Variants in ELP1 observed in about 807,000 individuals in gnomAD.
ELP1 encodes elongator acetyltransferase complex subunit 1, also known as elongator complex protein 1.
ELP1 carries 131 observed loss-of-function variants against 183.2 expected under a neutral mutation model. The observed-to-expected ratio is 0.72, with a 90% confidence interval of 0.62 to 0.83. The LOEUF (loss-of-function observed/expected upper bound fraction) is 0.83, where lower values mean the gene tolerates loss of function less well. ELP1 is among the 40% of genes least tolerant of loss of function. ELP1 has a pLI of 0.00. For synonymous variants in ELP1, 555 were observed against 569.0 expected, an observed-to-expected ratio of 0.98 and a Z score of 0.35; for missense variants, 1,550 against 1,594.9, an observed-to-expected ratio of 0.97 and a Z score of 0.48.
At chr9:108,876,998 T>C (rs1827728861) in intron 35 of ELP1, among the ~76,000 whole-genome samples, 2 of 152,174 alleles carry the variant, frequency 1.3e-5, no homozygotes, top group African/African-American at 4.8e-5. Context: ...CCCAAAGTGC[T>C]GGGATTACAG....
chr9:108,915,965 C>T (rs149873395), intron 10 of ELP1, among the ~76,000 whole-genome samples: 5 of 152,020 alleles, frequency 3.3e-5, no homozygotes, highest in South Asian at 4.2e-4. Context: ...ACTAATCCCC[C>T]GAGAATACTG....
intron 36 of ELP1, 76 bp downstream of exon 36, chr9:108,874,819 G>T: frequency 1.0e-6 from 1 of 1,005,012 alleles, no homozygotes; most frequent in Non-Finnish European, 1.6e-6. Context: ...TCCTTATACT[G>T]CTGATCTTCT....
intron 35 of ELP1, chr9:108,875,619 G>C (rs1046004128): frequency 2.2e-5 from 7 of 320,544 alleles, no homozygotes; most frequent in African/African-American, 1.5e-4. Context: ...AATGTGGGAG[G>C]CATGGTGGCT....
rs200640674 is a variant in ELP1, at chr9:108,929,802, T to A, written c.270A>T (p.Gly90=). The stretch of plus-strand genomic sequence containing the variant: ...TGCTGAGACTGCAGAGTATGACGTC[T>A]CCAGAGGCTGTGGCCACACACACAG... ...QESVCVATAS[G]DVILCSLSTQ... is the part of the protein sequence containing the mutation. The change falls in exon 3 of 37, where the codon GGA becomes GGT. Residue 90 remains glycine (G), a synonymous_variant. Transcript: ENST00000374647. 30 of 1,613,850 alleles carry A rather than the reference T, an allele frequency of 1.9e-5. No individual in the cohort carries two copies. The highest frequency in any genetic ancestry group is 2.5e-5 in the Non-Finnish European group (29 of 1,180,040).
rs1226691975 is a variant in ELP1, at chr9:108,896,964, T to C, written c.2576A>G (p.His859Arg). 19 of 1,613,898 alleles carry C rather than the reference T, an allele frequency of 1.2e-5. No individual in the cohort carries two copies. Among genetic ancestry groups the C allele is most frequent in the Non-Finnish European group, 1.6e-5 (19 of 1,179,886 alleles). The change falls in exon 24 of 37, where the codon CAC becomes CGC. Residue 859 changes from histidine (H) to arginine (R), a missense_variant. By Grantham distance (29) the His-to-Arg change is conservative (BLOSUM62 0). Transcript: ENST00000374647. ...PELEIVLQKV[H>R]ELQGNAPSDP... The stretch of plus-strand genomic sequence containing the variant: ...GAGCGGATCTCTACCTTGAAGCTCG[T>C]GTACTTTTTGCAGTACAATTTCCAG...
chr9:108,903,418 C>A, intron 15 of ELP1, 145 bp downstream of exon 15: 1 of 668,090 alleles, frequency 1.5e-6, no homozygotes, highest in East Asian at 2.7e-5. Flanking sequence ...ATACACTTGC[C>A]AATTCCACTC....
chr9:108,880,459 A>T (rs1827883706), intron 31 of ELP1, among the ~76,000 whole-genome samples: 1 of 151,980 alleles, frequency 6.6e-6, no homozygotes, highest in Non-Finnish European at 1.5e-5. Flanking sequence ...ACAAACAAAC[A>T]AAACAAACAA....
chr9:108,924,752 CAT>C (rs1829773100), intron 5 of ELP1, among the ~76,000 whole-genome samples: 1 of 144,234 alleles, frequency 6.9e-6, no homozygotes, highest in South Asian at 2.1e-4. Context: ...ATGGCAATCA[CAT>C]ATGGTCCTTC....
chr9:108,901,854 C>T (rs1173049227), intron 16 of ELP1, among the ~76,000 whole-genome samples, 173 bp from the exon 17 acceptor site: 1 of 152,098 alleles, frequency 6.6e-6, no homozygotes, highest in African/African-American at 2.4e-5. Flanking sequence ...AATGTGAAGC[C>T]ATCCAATCCA....
At chr9:108,899,736 A>T in intron 20 of ELP1, 86 bp downstream of exon 20, 1 of 1,087,728 alleles carries the variant, frequency 9.2e-7, no homozygotes, top group Non-Finnish European at 1.4e-6. Flanking sequence ...TCATAATTTT[A>T]AGTTCTCGAA....
At chr9:108,880,281 G>C (rs1480336593) in intron 31 of ELP1, 116 bp from the exon 32 acceptor site, 2 of 723,618 alleles carry the variant, frequency 2.8e-6, no homozygotes, top group African/African-American at 3.5e-5. Flanking sequence ...AGGTTACTAG[G>C]TTTTCCAAGC....
At chr9:108,903,331 G>GT (rs1481523870) in intron 15 of ELP1, among the ~76,000 whole-genome samples, 2 of 151,966 alleles carry the variant, frequency 1.3e-5, no homozygotes, top group East Asian at 1.9e-4. Flanking sequence ...GCGGTGTTTG[G>GT]TTTTTTGTCC....
intron 8 of ELP1, among the ~76,000 whole-genome samples, chr9:108,918,510 C>T (rs150802012): frequency 6.6e-6 from 1 of 152,166 alleles, no homozygotes; most frequent in African/African-American, 2.4e-5. Flanking sequence ...TGTACAATGG[C>T]TTCATATATA....
chr9:108,923,546 CAT>C (rs1829731568), intron 5 of ELP1, among the ~76,000 whole-genome samples: 1 of 152,146 alleles, frequency 6.6e-6, no homozygotes, highest in Non-Finnish European at 1.5e-5. Context: ...AAGAATGAAA[CAT>C]AAAGAGTTTA....
intron 12 of ELP1, 106 bp downstream of exon 12, chr9:108,910,904 T>C (rs1384099923): frequency 3.1e-6 from 3 of 977,336 alleles, no homozygotes; most frequent in African/African-American, 1.6e-5. Context: ...GACTTAAAAA[T>C]TTTGAGAAAC....
At chr9:108,877,900 T>C (rs573025020) in intron 35 of ELP1, 95 bp downstream of exon 35, 124 of 1,308,440 alleles carry the variant, frequency 9.5e-5, no homozygotes, top group Non-Finnish European at 1.3e-4. Flanking sequence ...TCTTATGTTT[T>C]AAGAACAGGA....
chr9:108,920,129 T>C (rs989053469), intron 6 of ELP1, among the ~76,000 whole-genome samples: 1 of 152,070 alleles, frequency 6.6e-6, no homozygotes. Context: ...GAACTGGAAA[T>C]AATTAAGGAC....
At chr9:108,890,381 C>T (rs1339405931) in intron 28 of ELP1, among the ~76,000 whole-genome samples, 1 of 152,086 alleles carries the variant, frequency 6.6e-6, no homozygotes, top group Non-Finnish European at 1.5e-5. Context: ...ATAAATTTAA[C>T]AAAATTTAAC....
At chr9:108,911,910 C>A (rs564409794) in intron 11 of ELP1, among the ~76,000 whole-genome samples, 2 of 152,238 alleles carry the variant, frequency 1.3e-5, no homozygotes, top group South Asian at 4.2e-4. Flanking sequence ...GTATAAGGGT[C>A]AATTATAAAT....
Sources: gnomAD v4.1 joint callset for allele counts (sites outside exome capture counted in the v4.1 genomes callset) on GRCh38, gnomAD v4.1.1 for gene constraint, MANE v1.5 for transcripts, NCBI Gene and HGNC (gene_info 2026-07-23, HGNC 2026-07-21) for gene names.